Variants in F2RL1 observed in about 807,000 individuals in gnomAD.
F2RL1 encodes proteinase-activated receptor 2.
Under a neutral mutation model 21.7 loss-of-function variants are expected in F2RL1, and 16 were observed. The ratio of observed to expected loss-of-function variants is 0.74; its 90% CI spans 0.50 to 1.12. The LOEUF (loss-of-function observed/expected upper bound fraction) is 1.12. F2RL1 is among the 50% of genes most tolerant of loss of function. F2RL1 has a pLI of 0.00. For synonymous variants in F2RL1, 181 were observed against 186.7 expected, an observed-to-expected ratio of 0.97 and a Z score of 0.25; for missense variants, 432 against 477.8, an observed-to-expected ratio of 0.90 and a Z score of 0.89.
At position 76,833,351 on chromosome 5, in the gene F2RL1, T is replaced by C; in HGVS notation, c.744T>C (p.Ile248=). 1 of 1,613,944 alleles carries C rather than the reference T, an allele frequency of 6.2e-7. No individual in the cohort carries two copies. Among genetic ancestry groups the C allele is most frequent in the South Asian group, 1.1e-5 (1 of 91,056 alleles). The change falls in exon 2 of 2, where the codon ATT becomes ATC. Residue 248 remains isoleucine, a synonymous_variant. Coordinates refer to ENST00000296677, the MANE Select transcript of F2RL1 (RefSeq NM_005242.6). Reference sequence around the variant, plus strand: ...TCAATTACTTCCTCTCTCTGGCCATTGGGGTCTTTCTGTTCCCAGCCTTCC... The same window carrying C: ...TCAATTACTTCCTCTCTCTGGCCATCGGGGTCTTTCTGTTCCCAGCCTTCC... ...DMFNYFLSLA[I]GVFLFPAFLT...
rs918744406 is a variant in F2RL1, at chr5:76,833,253, A to G, written c.646A>G (p.Ile216Val). Reference protein sequence around the residue: ...TIPLYVVKQTIFIPALNITTC... With the variant: ...TIPLYVVKQTVFIPALNITTC... Reference sequence around the variant, plus strand: ...TCCTTTGTATGTCGTGAAGCAGACCATCTTCATTCCTGCCCTGAACATCAC... The same window carrying G: ...TCCTTTGTATGTCGTGAAGCAGACCGTCTTCATTCCTGCCCTGAACATCAC... The change falls in exon 2 of 2, where the codon ATC becomes GTC. Residue 216 changes from isoleucine (I) to valine (V), a missense_variant. Transcript: ENST00000296677. The G allele has an allele frequency of 3.1e-6, 5 of 1,612,844 alleles. No homozygotes were observed. The highest frequency in any genetic ancestry group is 1.3e-5 in the African/African-American group (1 of 74,526).
rs767925389 is a variant in F2RL1 at position 76,819,163 on chromosome 5, G to T, written c.-20G>T. The T allele has an allele frequency of 7.7e-6, 12 of 1,564,040 alleles. No individual in the cohort carries two copies. The highest frequency in any genetic ancestry group is 9.5e-6 in the Non-Finnish European group (11 of 1,163,566). ...CGGCGGCGGATTCCCCGCGCGCCCG[G>T]CGTCGGGGCTTCCAGGAGGATGCGG... On this transcript the variant is annotated 5_prime_UTR_variant, in exon 1 of 2. Transcript: ENST00000296677.
Position 76,833,611 on chromosome 5 carries a change from T to G in F2RL1, c.1004T>G (p.Leu335Arg). 6.2e-7 allele frequency: 1 copy of G among 1,613,986 alleles called. No homozygotes were observed. The highest frequency in any genetic ancestry group is 8.5e-7 in the Non-Finnish European group (1 of 1,179,994). The part of the protein sequence containing the change: ...LYIVALCLST[L>R]NSCIDPFVYY... ...ATTGTAGCCCTCTGCCTCTCTACCC[T>G]TAACAGCTGCATCGACCCCTTTGTC... Residue 335 changes from leucine to arginine, a missense_variant, in exon 2 of 2, where the codon CTT (leucine) becomes CGT (arginine). By Grantham distance (102) the Leu-to-Arg change is moderately radical. Coordinates refer to ENST00000296677, the MANE Select transcript of F2RL1 (RefSeq NM_005242.6).
In F2RL1 at chr5:76,833,876, ATTTCCT is replaced by A; in HGVS notation, c.*76_*81del. 1 of 1,484,918 alleles carries A rather than the reference ATTTCCT, an allele frequency of 6.7e-7. No homozygotes were observed. Among genetic ancestry groups the A allele is most frequent in the African/African-American group, 1.4e-5 (1 of 71,524 alleles). The allele number at this position is 1,484,918 out of a possible 1,614,324, so 92.0% of individuals were successfully genotyped here. On this transcript the variant is annotated 3_prime_UTR_variant, in exon 2 of 2. Transcript: ENST00000296677. ...TTAATGTTATGAGGACGTGTCTGTTATTTCCTAATCAAAAAGGTCTCACCACATACC... is the reference window on the plus strand; with the variant it reads ...TTAATGTTATGAGGACGTGTCTGTTAAATCAAAAAGGTCTCACCACATACC...
At chr5:76,822,254 G>C (rs1750151012) in intron 1 of F2RL1, among the ~76,000 whole-genome samples, 1 of 151,648 alleles carries the variant, frequency 6.6e-6, no homozygotes, top group African/African-American at 2.4e-5. Context: ...ATCTCACTCT[G>C]TTGCCCAGGC....
At chr5:76,821,561 T>TTTTTTTTTG in intron 1 of F2RL1, among the ~76,000 whole-genome samples, 1 of 143,196 alleles carries the variant, frequency 7.0e-6, no homozygotes, top group South Asian at 2.2e-4. Context: ...GTTTGGTGGT[T>TTTTTTTTTG]TTTTTTTGTT....
intron 1 of F2RL1, among the ~76,000 whole-genome samples, chr5:76,823,905 C>T (rs539822496): frequency 3.3e-5 from 5 of 151,332 alleles, no homozygotes; most frequent in Non-Finnish European, 7.4e-5. Flanking sequence ...CTCTGCCTCC[C>T]GGGTTCATGC....
In F2RL1 at chr5:76,819,075, C is replaced by A; in HGVS notation, c.-108C>A. Reference sequence around the variant, plus strand: ...GAGGCGCGCAGCAGAGGCTCCGATTCGGGGCAGGTGAGAGGCTGACTTTCT... The same window carrying A: ...GAGGCGCGCAGCAGAGGCTCCGATTAGGGGCAGGTGAGAGGCTGACTTTCT... On this transcript the variant is annotated 5_prime_UTR_variant, in exon 1 of 2. Coordinates refer to ENST00000296677, the MANE Select transcript of F2RL1 (RefSeq NM_005242.6). The A allele has an allele frequency of 2.3e-6, 2 of 881,646 alleles. No individual in the cohort carries two copies. The highest frequency in any genetic ancestry group is 3.4e-6 in the Non-Finnish European group (2 of 583,408). The allele number at this position is 881,646 out of a possible 1,614,324, so 54.6% of individuals were successfully genotyped here.
At chr5:76,825,749 C>T (rs547183981) in intron 1 of F2RL1, among the ~76,000 whole-genome samples, 23 of 152,216 alleles carry the variant, frequency 1.5e-4, no homozygotes, top group African/African-American at 5.3e-4. Context: ...GCTTCAGGGA[C>T]CTTCGAGTAG....
At position 76,833,172 on chromosome 5, in the gene F2RL1, A is replaced by C. The variant is rs370384052; in HGVS notation, c.565A>C (p.Asn189His). The C allele has an allele frequency of 6.2e-6, 10 of 1,614,028 alleles. No homozygotes were observed. The Admixed American group carries it at 1.5e-4, about 24-fold the overall frequency. ...CATGGGGCACTCCAGGAAGAAGGCA[A>C]ACATTGCCATTGGCATCTCCCTGGC... ...NPMGHSRKKA[N>H]IAIGISLAIW... The change falls in exon 2 of 2, where the codon AAC becomes CAC. Residue 189 changes from asparagine to histidine, a missense_variant. Transcript: ENST00000296677.
At chr5:76,828,781 A>G (rs1398416288) in intron 1 of F2RL1, among the ~76,000 whole-genome samples, 1 of 151,898 alleles carries the variant, frequency 6.6e-6, no homozygotes, top group Non-Finnish European at 1.5e-5. Context: ...GGCATGAACA[A>G]CCGTGCCTGG....
Position 76,833,843 on chromosome 5 carries a change from G to C in F2RL1, c.*42G>C. 6.3e-7 allele frequency: 1 copy of C among 1,581,836 alleles called. No homozygotes were observed. ...GATGGGAATTGCACAGTAGGATGTG[G>C]AACCTGTTTAATGTTATGAGGACGT... On this transcript the variant is annotated 3_prime_UTR_variant, in exon 2 of 2. Coordinates refer to ENST00000296677, the MANE Select transcript of F2RL1 (RefSeq NM_005242.6).
In F2RL1 at chr5:76,831,535, ATTTTTTTTT is replaced by A. The variant is rs3053251; in HGVS notation, c.83-1145_83-1137del. Among the ~76,000 whole-genome samples, 868 of 134,148 alleles carry A rather than the reference ATTTTTTTTT, an allele frequency of 6.5e-3. 8 individuals are homozygous for A. The highest frequency in any genetic ancestry group is 0.024 in the African/African-American group (841 of 35,236). 88.0% of individuals were successfully genotyped at this position (134,148 alleles called of 152,430 possible). A position where few individuals can be genotyped will look rare whatever the true frequency, so the allele number is the denominator to read the frequency against. On this transcript the variant is annotated intron_variant, in intron 1 of 1. Coordinates refer to ENST00000296677, the MANE Select transcript of F2RL1 (RefSeq NM_005242.6). ...GGAATTACTGCACATTCCTAAACTG[ATTTTTTTTT>A]TTTTTTTTTGACTGAGGCTCGCTCT... is the stretch of plus-strand genomic sequence containing the variant.
chr5:76,824,573 C>T (rs927883849), intron 1 of F2RL1, among the ~76,000 whole-genome samples: 14 of 150,646 alleles, frequency 9.3e-5, no homozygotes, highest in Non-Finnish European at 1.2e-4. Context: ...ATGATCCGCC[C>T]GCCTTAGCCT....
chr5:76,828,684 C>T (rs566821810), intron 1 of F2RL1, among the ~76,000 whole-genome samples: 3 of 150,014 alleles, frequency 2.0e-5, no homozygotes, highest in East Asian at 2.0e-4. Flanking sequence ...TGTAGAGACA[C>T]GGTCTTGCTA....
chr5:76,831,535 ATTTT>A (rs3053251), intron 1 of F2RL1, among the ~76,000 whole-genome samples: 7 of 134,164 alleles, frequency 5.2e-5, no homozygotes, highest in Admixed American at 7.7e-5. Context: ...TCCTAAACTG[ATTTT>A]TTTTTTTTTT....
intron 1 of F2RL1, among the ~76,000 whole-genome samples, chr5:76,820,770 A>C (rs774413243): frequency 2.0e-5 from 3 of 152,200 alleles, no homozygotes; most frequent in Non-Finnish European, 2.9e-5. Flanking sequence ...CTGGATTATA[A>C]GGCGAACTTG....
rs943341869 is a variant in F2RL1, at chr5:76,833,078, C to A, written c.471C>A (p.Gly157=). 10 of 1,614,052 alleles carry A rather than the reference C, an allele frequency of 6.2e-6. No homozygotes were observed. The highest frequency in any genetic ancestry group is 5.0e-5 in the Admixed American group (3 of 59,998). The change falls in exon 2 of 2, where the codon GGC becomes GGA. Residue 157 remains glycine (G), a synonymous_variant. Coordinates refer to ENST00000296677, the MANE Select transcript of F2RL1 (RefSeq NM_005242.6). ...LCNVLIGFFY[G]NMYCSILFMT... The stretch of plus-strand genomic sequence containing the variant: ...ATGTGCTTATTGGCTTTTTCTATGG[C>A]AACATGTACTGTTCCATTCTCTTCA...
At chr5:76,823,185 G>A (rs572196930) in intron 1 of F2RL1, among the ~76,000 whole-genome samples, 8 of 150,748 alleles carry the variant, frequency 5.3e-5, no homozygotes, top group South Asian at 4.2e-4. Context: ...AGCCGAGATC[G>A]TGCCTCTGCA....
Sources: gnomAD v4.1 joint callset for allele counts (sites outside exome capture counted in the v4.1 genomes callset) on GRCh38, gnomAD v4.1.1 for gene constraint, MANE v1.5 for transcripts, NCBI Gene and HGNC (gene_info 2026-07-23, HGNC 2026-07-21) for gene names.